Variants in KIF25 observed in about 807,000 individuals in gnomAD.
The protein encoded by KIF25 is kinesin family member 25.
A neutral mutation model predicts 32.9 loss-of-function variants in KIF25; 19 were observed. The ratio of observed to expected loss-of-function variants is 0.58; its 90% CI spans 0.40 to 0.85. The LOEUF (loss-of-function observed/expected upper bound fraction) is 0.85. KIF25 is among the 40% of genes least tolerant of loss of function. The probability of loss-of-function intolerance (pLI) is 0.00; values close to 1 mark genes in which losing one functional copy is unlikely to be tolerated. For synonymous variants in KIF25, 225 were observed against 213.7 expected, an observed-to-expected ratio of 1.05 and a Z score of -0.46; for missense variants, 485 against 507.0, an observed-to-expected ratio of 0.96 and a Z score of 0.42.
In KIF25 at chr6:167,998,255, T is replaced by C. The variant is rs1423206724; in HGVS notation, c.-1214T>C. 1 of 152,132 alleles carries C rather than the reference T, an allele frequency of 6.6e-6. No individual in the cohort carries two copies. The highest frequency in any genetic ancestry group is 1.5e-5 in the Non-Finnish European group (1 of 68,032). 9.4% of individuals were successfully genotyped at this position (152,132 alleles called of 1,614,324 possible). On this transcript the variant is annotated 5_prime_UTR_variant, in exon 1 of 13. Coordinates refer to ENST00000643607, the MANE Select transcript of KIF25 (RefSeq NM_030615.4). ...CAAGGAAGAATTGGTTGTGGAAGTT[T>C]CTGAGTGTTCCACCTCAAGCCTGGT...
At chr6:168,006,773 C>T (rs1397424816) in intron 4 of KIF25, among the ~76,000 whole-genome samples, 2 of 110,964 alleles carry the variant, frequency 1.8e-5, no homozygotes, top group Admixed American at 8.9e-5. Context: ...TTACCATATG[C>T]GGTTCTACAA....
At chr6:168,027,700 G>A (rs1562387478) in intron 5 of KIF25, among the ~76,000 whole-genome samples, 2 of 152,140 alleles carry the variant, frequency 1.3e-5, no homozygotes, top group Non-Finnish European at 2.9e-5. Flanking sequence ...GGCAAGGCCG[G>A]CTTCCCTCCA....
At chr6:168,042,815 A>C (rs1583148691) in intron 12 of KIF25, 99 bp downstream of exon 12, 1 of 1,337,594 alleles carries the variant, frequency 7.5e-7, no homozygotes, top group South Asian at 1.4e-5. Flanking sequence ...CCACCCATGC[A>C]CCCCCTGCAC....
chr6:168,028,751 G>A (rs1397081657), intron 5 of KIF25, among the ~76,000 whole-genome samples: 1 of 152,164 alleles, frequency 6.6e-6, no homozygotes, highest in Non-Finnish European at 1.5e-5. Flanking sequence ...ACTTGTTTGA[G>A]TTTAATCATG....
intron 8 of KIF25, among the ~76,000 whole-genome samples, chr6:168,037,656 TC>T (rs1213628111): frequency 7.9e-5 from 12 of 152,130 alleles, no homozygotes; most frequent in Non-Finnish European, 1.2e-4. Flanking sequence ...TCTCTCTCTC[TC>T]TCTCTCTCTC....
At chr6:168,032,796 C>T (rs890366764) in intron 7 of KIF25, among the ~76,000 whole-genome samples, 2 of 152,326 alleles carry the variant, frequency 1.3e-5, no homozygotes, top group East Asian at 3.9e-4. Flanking sequence ...TTTCTGAGTG[C>T]AGGACTTGCT....
chr6:168,037,213 T>C (rs1256584068), intron 8 of KIF25, among the ~76,000 whole-genome samples: 1 of 152,250 alleles, frequency 6.6e-6, no homozygotes, highest in Non-Finnish European at 1.5e-5. Context: ...TAATGATTTT[T>C]ACCTGAGAGT....
intron 5 of KIF25, among the ~76,000 whole-genome samples, chr6:168,021,727 T>A (rs990431853): frequency 6.6e-6 from 1 of 152,248 alleles, no homozygotes; most frequent in Non-Finnish European, 1.5e-5. Context: ...CTGTTCCATT[T>A]TCTGTCTGAG....
intron 4 of KIF25, among the ~76,000 whole-genome samples, chr6:168,015,408 A>T (rs1798700106): frequency 6.6e-6 from 1 of 152,232 alleles, no homozygotes; most frequent in African/African-American, 2.4e-5. Flanking sequence ...GGATATAAAT[A>T]AAAAACTAGA....
At chr6:168,017,716 G>T (rs1209564214) in intron 4 of KIF25, among the ~76,000 whole-genome samples, 2 of 152,154 alleles carry the variant, frequency 1.3e-5, no homozygotes, top group Admixed American at 6.5e-5. Flanking sequence ...CTTTATGGGG[G>T]TCGGCAAACC....
intron 8 of KIF25, among the ~76,000 whole-genome samples, chr6:168,038,053 G>T (rs1387796937): frequency 2.6e-5 from 4 of 152,170 alleles, no homozygotes; most frequent in African/African-American, 9.7e-5. Context: ...GGTTTTACGG[G>T]TCTTGCAGGA....
chr6:168,043,714 C>T (rs376906265), intron 12 of KIF25, among the ~76,000 whole-genome samples: 13 of 152,226 alleles, frequency 8.5e-5, no homozygotes, highest in Non-Finnish European at 8.8e-5. Flanking sequence ...ATCTCAGGGG[C>T]GGCACCGTGG....
At chr6:168,010,116 T>G (rs1264697676) in intron 4 of KIF25, among the ~76,000 whole-genome samples, 1 of 152,048 alleles carries the variant, frequency 6.6e-6, no homozygotes, top group Non-Finnish European at 1.5e-5. Context: ...TGATTTGTTC[T>G]TGCTTTTATA....
At position 167,998,628 on chromosome 6, in the gene KIF25, A is replaced by C. The variant is rs1440259343; in HGVS notation, c.-841A>C. 6.6e-6 allele frequency: 1 copy of C among 152,216 alleles called. No homozygotes were observed. Among genetic ancestry groups the C allele is most frequent in the Non-Finnish European group, 1.5e-5 (1 of 68,040 alleles). 9.4% of individuals were successfully genotyped at this position (152,216 alleles called of 1,614,324 possible). A position where few individuals can be genotyped will look rare whatever the true frequency, so the allele number is the denominator to read the frequency against. On this transcript the variant is annotated 5_prime_UTR_variant, in exon 1 of 13. Coordinates refer to ENST00000643607, the MANE Select transcript of KIF25 (RefSeq NM_030615.4). ...ATATGACAGATACTGAATTTCCAAA[A>C]TCCCCTCTAAAATGCCTAAAATGTC... is the stretch of plus-strand genomic sequence containing the variant.
Position 168,038,561 on chromosome 6 carries a change from TG to T in KIF25, c.328del (p.Glu110LysfsTer13), listed in dbSNP as rs781147084. 4 of 1,613,958 alleles carry T rather than the reference TG, an allele frequency of 2.5e-6. No individual in the cohort carries two copies. Among genetic ancestry groups the T allele is most frequent in the Non-Finnish European group, 3.4e-6 (4 of 1,179,950 alleles). On this transcript the variant is annotated frameshift_variant, in exon 9 of 13. Coordinates refer to ENST00000643607, the MANE Select transcript of KIF25 (RefSeq NM_030615.4). LOFTEE classifies it high-confidence loss of function. ...TGTGTGTTTTCCCGCAGGCTCATTTTGGAAAATACCTCAAGAAGCCCAAAGG... is the reference window on the plus strand; with the variant it reads ...TGTGTGTTTTCCCGCAGGCTCATTTTGAAAATACCTCAAGAAGCCCAAAGG... Reference protein sequence around the residue: ...RVAEELFRLILENTSRSPKVE... With the variant: ...RVAEELFRLIXENTSRSPKVE...
chr6:168,042,303 A>C, intron 11 of KIF25, 152 bp downstream of exon 11: 2 of 936,068 alleles, frequency 2.1e-6, no homozygotes, highest in Non-Finnish European at 3.1e-6. Flanking sequence ...TTACATTCTC[A>C]GGGATTGGTT....
intron 4 of KIF25, among the ~76,000 whole-genome samples, chr6:168,015,622 T>C (rs1455169398): frequency 6.6e-6 from 1 of 152,156 alleles, no homozygotes; most frequent in Non-Finnish European, 1.5e-5. Context: ...TGTCAAGAGC[T>C]TGAAAATTTT....
chr6:168,042,129 C>T lies in KIF25; in HGVS notation c.807C>T (p.Asp269=). 2 of 1,550,146 alleles carry T rather than the reference C, an allele frequency of 1.3e-6. No homozygotes were observed. Among genetic ancestry groups the T allele is most frequent in the Non-Finnish European group, 1.7e-6 (2 of 1,147,280 alleles). ...TGCAGGCTCGACTACAGCTCGTGGA[C>T]TCGGCCGGCAGCGAGTGCGTTGGTG... ...EQVQARLQLV[D]SAGSECVGVS... Residue 269 remains aspartate (D), a synonymous_variant, in exon 11 of 13, where the codon GAC becomes GAT. Coordinates refer to ENST00000643607, the MANE Select transcript of KIF25 (RefSeq NM_030615.4).
At chr6:168,044,766 T>G (rs1229212840) in intron 12 of KIF25, 61 bp from the exon 13 acceptor site, 1 of 1,487,730 alleles carries the variant, frequency 6.7e-7, no homozygotes, top group African/African-American at 1.4e-5. Flanking sequence ...GTTGCTGGCA[T>G]GTTGGCACTT....
Sources: allele counts gnomAD v4.1 joint callset (sites outside exome capture counted in the v4.1 genomes callset), GRCh38; gene constraint gnomAD v4.1.1; transcripts MANE v1.5; gene names NCBI Gene and HGNC (gene_info 2026-07-23, HGNC 2026-07-21).